Variants in USP13 observed in about 807,000 individuals in gnomAD.
The protein encoded by USP13 is ubiquitin carboxyl-terminal hydrolase 13.
Under a neutral mutation model 107.8 loss-of-function variants are expected in USP13, and 68 were observed. The ratio of observed to expected loss-of-function variants is 0.63; its 90% CI spans 0.52 to 0.77. USP13 has a LOEUF of 0.77. Ranked by LOEUF, USP13 falls within the 30% of genes least tolerant of loss-of-function variation. The pLI is 0.00. For synonymous variants in USP13, 377 were observed against 389.5 expected, an observed-to-expected ratio of 0.97 and a Z score of 0.38; for missense variants, 945 against 1,093.3, an observed-to-expected ratio of 0.86 and a Z score of 1.91.
rs552269256 is a variant in USP13, at chr3:179,699,119, G to A, written c.356-1889G>A. 5.3e-5 allele frequency among the ~76,000 whole-genome samples: 8 copies of A among 152,098 alleles called. 1 individual carries two copies. Among genetic ancestry groups the A allele is most frequent in the African/African-American group, 1.4e-4 (6 of 41,468 alleles). On this transcript the variant is annotated intron_variant, in intron 3 of 20. Transcript: ENST00000263966. The stretch of plus-strand genomic sequence containing the variant: ...CCTGACCTCGTGATCCACCTGCCTC[G>A]GCCTTCCAAAGTACTGGATTATAGG...
At chr3:179,682,720 G>C (rs1711710382) in intron 2 of USP13, among the ~76,000 whole-genome samples, 2 of 152,006 alleles carry the variant, frequency 1.3e-5, no homozygotes, top group Admixed American at 6.6e-5. Flanking sequence ...TTCTCGTATT[G>C]ATGAACATTT....
chr3:179,667,233 TC>T (rs1720613932), intron 1 of USP13, among the ~76,000 whole-genome samples: 1 of 149,178 alleles, frequency 6.7e-6, no homozygotes, highest in Admixed American at 6.9e-5. Context: ...CATAAGGCTC[TC>T]CCCAACAGTG....
At chr3:179,716,905 T>G (rs1713130826) in intron 6 of USP13, among the ~76,000 whole-genome samples, 2 of 152,246 alleles carry the variant, frequency 1.3e-5, no homozygotes, top group South Asian at 4.1e-4. Context: ...CTAAAATTTT[T>G]TTTTAATCTT....
intron 8 of USP13, among the ~76,000 whole-genome samples, chr3:179,726,386 A>G (rs993186820): frequency 6.6e-6 from 1 of 152,160 alleles, no homozygotes; most frequent in Non-Finnish European, 1.5e-5. Flanking sequence ...CTGCTTTTGG[A>G]TTCTTCTTCC....
Position 179,721,451 on chromosome 3 carries a change from G to A in USP13, c.950G>A (p.Trp317Ter). 3 of 1,614,186 alleles carry A rather than the reference G, an allele frequency of 1.9e-6. No homozygotes were observed. The highest frequency in any genetic ancestry group is 2.5e-6 in the Non-Finnish European group (3 of 1,180,036). Reference protein sequence around the residue: ...DNDIKLRVSEWEVIQESGTKL... With the variant: ...DNDIKLRVSE ...GACATCAAGCTGAGGGTCAGTGAGT[G>A]GGAAGTGATCCAGGAGTCGGGCACG... Residue 317 changes from tryptophan to a stop codon, truncating the protein, a stop_gained, in exon 8 of 21, where the codon TGG becomes TAG. Coordinates refer to ENST00000263966, the MANE Select transcript of USP13 (RefSeq NM_003940.3). LOFTEE classifies it high-confidence loss of function. This position sits in a 1 kb window ranked among gnomAD's most constrained non-coding sequence, Gnocchi z 4.3.
chr3:179,711,544 A>G (rs1425476593), intron 6 of USP13, among the ~76,000 whole-genome samples: 1 of 152,106 alleles, frequency 6.6e-6, no homozygotes, highest in African/African-American at 2.4e-5. Context: ...TTATTTTATA[A>G]GCTTTTTTCC....
At chr3:179,688,763 T>C (rs1272609203) in intron 2 of USP13, among the ~76,000 whole-genome samples, 2 of 152,150 alleles carry the variant, frequency 1.3e-5, no homozygotes, top group African/African-American at 4.8e-5. Flanking sequence ...TACAATTCTG[T>C]AGAGAGATTT....
intron 1 of USP13, among the ~76,000 whole-genome samples, chr3:179,674,654 C>G (rs1039791977): frequency 6.6e-6 from 1 of 151,680 alleles, no homozygotes; most frequent in African/African-American, 2.4e-5. Flanking sequence ...GGGCCTGTAC[C>G]CAGAGGGGAA....
intron 15 of USP13, among the ~76,000 whole-genome samples, chr3:179,756,509 T>C (rs1714807020): frequency 6.6e-6 from 1 of 152,136 alleles, no homozygotes; most frequent in Non-Finnish European, 1.5e-5. Context: ...TTTGGGAGGC[T>C]GAGGTGGGAG....
Position 179,721,603 on chromosome 3 carries a change from A to G in USP13, c.1088+14A>G. The G allele has an allele frequency of 4.3e-6, 7 of 1,611,980 alleles. No individual in the cohort carries two copies. Among genetic ancestry groups the G allele is most frequent in the Non-Finnish European group, 5.1e-6 (6 of 1,179,548 alleles). ...ATTCCAGAGAGCGTAAGTGCCTTCC[A>G]TGCAGACCAGGGCACGCGGCACCTC... is the stretch of plus-strand genomic sequence containing the variant. On this transcript the variant is annotated intron_variant, in intron 8 of 20. Transcript: ENST00000263966. This position sits in a 1 kb window ranked among gnomAD's most constrained non-coding sequence, Gnocchi z 4.3.
At chr3:179,661,725 C>T (rs768763710) in intron 1 of USP13, among the ~76,000 whole-genome samples, 3 of 152,082 alleles carry the variant, frequency 2.0e-5, no homozygotes, top group Non-Finnish European at 2.9e-5. Flanking sequence ...TCAGCTGTGT[C>T]CCTGCTTTGC....
chr3:179,707,175 T>G (rs1712751787), intron 5 of USP13, 99 bp downstream of exon 5: 4 of 1,398,326 alleles, frequency 2.9e-6, no homozygotes, highest in Non-Finnish European at 2.9e-6. Flanking sequence ...ATATTTTTTC[T>G]TACCAGATGC....
At chr3:179,740,412 A>G in intron 11 of USP13, 40 bp downstream of exon 11, 3 of 1,612,986 alleles carry the variant, frequency 1.9e-6, no homozygotes, top group South Asian at 2.2e-5. Context: ...CGGGGTTGTA[A>G]GAGGGTGCCG....
chr3:179,661,891 C>T (rs1339830581), intron 1 of USP13, among the ~76,000 whole-genome samples: 1 of 152,070 alleles, frequency 6.6e-6, no homozygotes, highest in African/African-American at 2.4e-5. Context: ...GGCACCTGGT[C>T]GATGTGAGGT....
Position 179,765,753 on chromosome 3 carries a change from A to T in USP13, c.2318A>T (p.Asp773Val). The change falls in exon 19 of 21, where the codon GAC becomes GTC. Residue 773 changes from aspartate (D) to valine (V), a missense_variant. Transcript: ENST00000263966. ...TTTAGCCACCCTGAGTTTGAAGAAGACAGTGATTTTGTGATTGAGATGGAG... is the reference window on the plus strand; with the variant it reads ...TTTAGCCACCCTGAGTTTGAAGAAGTCAGTGATTTTGTGATTGAGATGGAG... ...WIFSHPEFEE[D>V]SDFVIEMENN... 6.2e-7 allele frequency: 1 copy of T among 1,614,200 alleles called. No individual in the cohort carries two copies. The highest frequency in any genetic ancestry group is 8.5e-7 in the Non-Finnish European group (1 of 1,180,024).
intron 6 of USP13, among the ~76,000 whole-genome samples, chr3:179,713,710 A>G (rs1380485585): frequency 6.6e-6 from 1 of 152,142 alleles, no homozygotes; most frequent in Non-Finnish European, 1.5e-5. Context: ...TGACCAGTAC[A>G]TTCCTTCCCT....
At chr3:179,779,643 G>A (rs1312759064) in intron 19 of USP13, among the ~76,000 whole-genome samples, 3 of 151,618 alleles carry the variant, frequency 2.0e-5, no homozygotes, top group East Asian at 3.9e-4. Context: ...CTGCTTCTGG[G>A]TCGGGGTTTT....
chr3:179,653,526 C>G lies in USP13; in HGVS notation c.168+133C>G. ...CGGCAGAGTTGGCTCAGGAACACTG[C>G]AGTTCGGCAGACACTTAGTGAGCGC... On this transcript the variant is annotated intron_variant, in intron 1 of 20. Coordinates refer to ENST00000263966, the MANE Select transcript of USP13 (RefSeq NM_003940.3). The surrounding 1 kb of genome is among the most constrained non-coding windows in gnomAD (Gnocchi z 4.0). The G allele has an allele frequency of 7.9e-7, 1 of 1,261,700 alleles. No homozygotes were observed. 78.2% of individuals were successfully genotyped at this position (1,261,700 alleles called of 1,614,324 possible). A position where few individuals can be genotyped will look rare whatever the true frequency, so the allele number is the denominator to read the frequency against.
intron 18 of USP13, 81 bp from the exon 19 acceptor site, chr3:179,765,614 C>T: frequency 6.6e-7 from 1 of 1,515,196 alleles, no homozygotes; most frequent in South Asian, 1.3e-5. Context: ...ATCTGCCTGA[C>T]ATCTAGTTGA....
Sources: allele counts gnomAD v4.1 joint callset (sites outside exome capture counted in the v4.1 genomes callset), GRCh38; gene constraint gnomAD v4.1.1; non-coding constraint Gnocchi (gnomAD v3.1); transcripts MANE v1.5; gene names NCBI Gene and HGNC (gene_info 2026-07-23, HGNC 2026-07-21).